Variants in PSD3 observed in about 807,000 individuals in gnomAD.
PSD3 encodes PH and SEC7 domain-containing protein 3.
A neutral mutation model predicts 105.5 loss-of-function variants in PSD3; 49 were observed. The ratio of observed to expected loss-of-function variants is 0.46; its 90% confidence interval spans 0.37 to 0.59. The LOEUF (loss-of-function observed/expected upper bound fraction) is 0.59. Among genes scored for constraint, PSD3 ranks in the 20% least tolerant of loss-of-function variants. PSD3 has a pLI of 0.00. For missense variants in PSD3, 1,561 were observed against 1,263.8 expected (o/e 1.24, Z -3.57); for synonymous variants, 557 against 457.8 (o/e 1.22, Z -2.77).
chr8:18,542,837 G>C (rs1800228434), intron 15 of PSD3, among the ~76,000 whole-genome samples: 1 of 152,116 alleles, frequency 6.6e-6, no homozygotes, highest in South Asian at 2.1e-4. Context: ...AAAAATGCGT[G>C]CCTCAGGGTC....
At chr8:18,626,963 G>C (rs1806523618) in intron 11 of PSD3, among the ~76,000 whole-genome samples, 1 of 152,088 alleles carries the variant, frequency 6.6e-6, no homozygotes, top group South Asian at 2.1e-4. Flanking sequence ...CAACTGGAAA[G>C]ACGTTTCTTA....
In PSD3 at chr8:18,546,563, G is replaced by A. The variant is rs1009354705; in HGVS notation, c.2928+9646C>T. Among the ~76,000 whole-genome samples the A allele has an allele frequency of 2.0e-5, 3 of 152,066 alleles. No individual in the cohort carries two copies. The South Asian group carries it at 6.2e-4, about 32-fold the overall frequency. Reference sequence around the variant, plus strand: ...TGGAAAAAAGAATGTAAAATATTTTGGACATATAATGTAAAAATTTTAAAA... The same window carrying A: ...TGGAAAAAAGAATGTAAAATATTTTAGACATATAATGTAAAAATTTTAAAA... On this transcript the variant is annotated intron_variant, in intron 15 of 15. Transcript: ENST00000327040.
chr8:18,637,532 C>T (rs138738877), intron 10 of PSD3, among the ~76,000 whole-genome samples: 18 of 152,258 alleles, frequency 1.2e-4, no homozygotes, highest in African/African-American at 3.6e-4. Context: ...CTGCCTTTTC[C>T]AGAATGGCAT....
chr8:19,013,512 C>T, intron 1 of PSD3, 51 bp downstream of exon 1: 2 of 1,578,950 alleles, frequency 1.3e-6, no homozygotes, highest in South Asian at 1.1e-5. Flanking sequence ...CCACGTCGAA[C>T]AGCGGCGCCG....
chr8:18,971,656 T>C (rs1380992449), intron 1 of PSD3, among the ~76,000 whole-genome samples: 3 of 152,070 alleles, frequency 2.0e-5, no homozygotes, highest in Non-Finnish European at 4.4e-5. Flanking sequence ...AAAAGATAAT[T>C]CTGCCATGGA....
chr8:18,582,950 T>C (rs1422419287), intron 12 of PSD3, among the ~76,000 whole-genome samples: 2 of 151,258 alleles, frequency 1.3e-5, no homozygotes, highest in Admixed American at 1.3e-4. Flanking sequence ...CTCAGACTCC[T>C]GAGTAGCTAG....
At chr8:18,950,664 C>T (rs1450675530) in intron 1 of PSD3, among the ~76,000 whole-genome samples, 1 of 152,170 alleles carries the variant, frequency 6.6e-6, no homozygotes, top group Non-Finnish European at 1.5e-5. Context: ...TTCCTTTTCA[C>T]TTCATAACAT....
intron 8 of PSD3, among the ~76,000 whole-genome samples, chr8:18,785,357 G>A (rs78011536): frequency 0.028 from 4,227 of 152,260 alleles, 195 homozygotes; most frequent in African/African-American, 0.095. Context: ...TTTAGGTTAT[G>A]AAGACACTTT....
rs755503838 is a variant in PSD3, at chr8:18,632,714, G to A, written c.2309C>T (p.Thr770Ile). The change falls in exon 11 of 16, where the codon ACT becomes ATT. Residue 770 changes from threonine to isoleucine, a missense_variant. Physicochemically the swap from Thr to Ile is moderately conservative, Grantham distance 89. Transcript: ENST00000327040. ...HPKTISRIGSTTNPFLDIPHD... is the reference protein window; with the variant it reads ...HPKTISRIGSITNPFLDIPHD... ...AGGAATGTCCAAAAATGGGTTAGTA[G>A]TACTTCCAATACGACTGATGGTCTT... 1 of 1,610,686 alleles carries A rather than the reference G, an allele frequency of 6.2e-7. No individual in the cohort carries two copies. The highest frequency in any genetic ancestry group is 2.2e-5 in the East Asian group (1 of 44,816).
intron 11 of PSD3, among the ~76,000 whole-genome samples, chr8:18,601,189 G>C (rs554875116): frequency 6.6e-6 from 1 of 152,156 alleles, no homozygotes; most frequent in Admixed American, 6.5e-5. Flanking sequence ...TATTTTTCTG[G>C]ATATGAATTC....
intron 4 of PSD3, among the ~76,000 whole-genome samples, chr8:18,860,923 C>CA (rs1816389249): frequency 6.6e-6 from 1 of 152,112 alleles, no homozygotes. Flanking sequence ...ATTCTTTGAT[C>CA]AAAGCTCATC....
chr8:18,935,520 A>G (rs1364916480), intron 2 of PSD3, among the ~76,000 whole-genome samples: 1 of 151,684 alleles, frequency 6.6e-6, no homozygotes, highest in Non-Finnish European at 1.5e-5. Flanking sequence ...TTAAAAAAAA[A>G]AAAAAAAGAA....
chr8:18,826,081 T>C (rs942123099), intron 4 of PSD3, among the ~76,000 whole-genome samples: 1 of 152,260 alleles, frequency 6.6e-6, no homozygotes, highest in African/African-American at 2.4e-5. Context: ...AATAAAAGGG[T>C]AGACAAAGTC....
intron 4 of PSD3, among the ~76,000 whole-genome samples, chr8:18,855,577 T>C (rs2129453443): frequency 6.6e-6 from 1 of 152,272 alleles, no homozygotes; most frequent in African/African-American, 2.4e-5. Flanking sequence ...TACAGGTATG[T>C]CCTCAAAAAG....
intron 14 of PSD3, among the ~76,000 whole-genome samples, chr8:18,566,133 T>C (rs1368700773): frequency 6.6e-6 from 1 of 152,104 alleles, no homozygotes; most frequent in Non-Finnish European, 1.5e-5. Flanking sequence ...CTACTCCAAA[T>C]ACATGCTTAA....
At chr8:18,844,930 T>C (rs1241813565) in intron 4 of PSD3, among the ~76,000 whole-genome samples, 4 of 152,218 alleles carry the variant, frequency 2.6e-5, no homozygotes, top group Non-Finnish European at 5.9e-5. Context: ...CAATGATCAG[T>C]TCATTCCAAA....
At chr8:18,599,823 A>G (rs554340654) in intron 12 of PSD3, among the ~76,000 whole-genome samples, 1 of 152,274 alleles carries the variant, frequency 6.6e-6, no homozygotes, top group Admixed American at 6.5e-5. Flanking sequence ...CCTGGAGCCA[A>G]TCTGTTGTGT....
intron 7 of PSD3, among the ~76,000 whole-genome samples, chr8:18,800,769 A>ACACAG (rs1469570019): frequency 6.6e-6 from 1 of 152,232 alleles, no homozygotes; most frequent in Non-Finnish European, 1.5e-5. Context: ...AGCACCAGAG[A>ACACAG]CACAGCGCAA....
At chr8:18,999,134 G>T (rs1826235408) in intron 1 of PSD3, among the ~76,000 whole-genome samples, 1 of 151,982 alleles carries the variant, frequency 6.6e-6, no homozygotes, top group Non-Finnish European at 1.5e-5. Flanking sequence ...AGAACAAAAT[G>T]GAAAGAATGT....
Sources: allele counts gnomAD v4.1 joint callset (sites outside exome capture counted in the v4.1 genomes callset), GRCh38; gene constraint gnomAD v4.1.1; transcripts MANE v1.5; gene names NCBI Gene and HGNC (gene_info 2026-07-23, HGNC 2026-07-21).